Variants in TRIM68 observed in about 807,000 individuals in gnomAD.
TRIM68 encodes E3 ubiquitin-protein ligase TRIM68.
In TRIM68, 36 loss-of-function variants were observed where a neutral mutation model predicts 41.9. That is an observed-to-expected ratio of 0.86 (90% confidence interval 0.66 to 1.14). TRIM68 has a LOEUF of 1.14. Among genes scored for constraint, TRIM68 ranks in the 50% most tolerant of loss-of-function variants. The pLI, the probability that TRIM68 is intolerant of heterozygous loss-of-function variation, is 0.00. For missense variants in TRIM68, 632 were observed against 605.1 expected, an observed-to-expected ratio of 1.04 and a Z score of -0.47; for synonymous variants, 225 against 224.6, an observed-to-expected ratio of 1.00 and a Z score of -0.02.
rs947408324 is a variant in TRIM68 at position 4,599,661 on chromosome 11, G to C, written c.*615C>G. 1 of 152,306 alleles carries C rather than the reference G, an allele frequency of 6.6e-6. No homozygotes were observed. Among genetic ancestry groups the C allele is most frequent in the African/African-American group, 2.4e-5 (1 of 41,454 alleles). The allele number at this position is 152,306 out of a possible 1,614,324, so 9.4% of individuals were successfully genotyped here. A position where few individuals can be genotyped will look rare whatever the true frequency, so the allele number is the denominator to read the frequency against. On this transcript the variant is annotated 3_prime_UTR_variant, in exon 7 of 7. Transcript: ENST00000300747. ...AGTCCAAGGGACAGTGATTTGCCCA[G>C]CTTGTGCTCAGAGAGGGAACGGCAG...
chr11:4,603,562 T>C (rs1846525557), intron 2 of TRIM68, among the ~76,000 whole-genome samples: 1 of 152,242 alleles, frequency 6.6e-6, no homozygotes, highest in Admixed American at 6.5e-5. Context: ...GTCTGTAAAC[T>C]GGAAGAAAAG....
Position 4,601,089 on chromosome 11 carries a change from G to T in TRIM68, c.845C>A (p.Ser282Tyr). 6.2e-7 allele frequency: 1 copy of T among 1,614,176 alleles called. No individual in the cohort carries two copies. The stretch of plus-strand genomic sequence containing the variant: ...ACGGCAATCTGTCTTCAACTCCAGG[G>T]AGATTGGTTCTGGCTGCTGCAAGCT... ...SWSLQQPEPI[S>Y]LELKTDCRVL... Residue 282 changes from serine (S) to tyrosine (Y), a missense_variant, in exon 6 of 7, where the codon TCC (serine) becomes TAC (tyrosine). Transcript: ENST00000300747.
At position 4,600,157 on chromosome 11, in the gene TRIM68, G is replaced by A; in HGVS notation, c.*119C>T. ...GCAAAGACCAAAGGATCAGACAGAG[G>A]AATCCTTGGATACTGGGCTCAGCTC... On this transcript the variant is annotated 3_prime_UTR_variant, in exon 7 of 7. Transcript: ENST00000300747. 1 of 1,027,296 alleles carries A rather than the reference G, an allele frequency of 9.7e-7. No individual in the cohort carries two copies. Among genetic ancestry groups the A allele is most frequent in the South Asian group, 1.9e-5 (1 of 52,588 alleles). The allele number at this position is 1,027,296 out of a possible 1,614,324, so 63.6% of individuals were successfully genotyped here. A position where few individuals can be genotyped will look rare whatever the true frequency, so the allele number is the denominator to read the frequency against.
chr11:4,600,738 C>A lies in TRIM68; in HGVS notation c.996G>T (p.Gln332His). Residue 332 changes from glutamine to histidine, a missense_variant, in exon 7 of 7, where the codon CAG (glutamine) becomes CAT (histidine). Coordinates refer to ENST00000300747, the MANE Select transcript of TRIM68 (RefSeq NM_018073.8). ...RKRVHYGDTN[Q>H]KLPDNPERFY... ...ATCTCTCAGGATTGTCTGGCAGTTT[C>A]TGGTTGGTGTCTCCATAGTGCACAC... is the stretch of plus-strand genomic sequence containing the variant. 5.6e-6 allele frequency: 9 copies of A among 1,614,184 alleles called. No homozygotes were observed. Among genetic ancestry groups the A allele is most frequent in the Non-Finnish European group, 7.6e-6 (9 of 1,180,044 alleles).
chr11:4,605,426 T>C lies in TRIM68; in HGVS notation c.79A>G (p.Met27Val), dbSNP rs1329857570. The C allele has an allele frequency of 1.2e-6, 2 of 1,614,224 alleles. No homozygotes were observed. The highest frequency in any genetic ancestry group is 2.7e-5 in the African/African-American group (2 of 75,056). ...AAGCTGTGGCCACAGTCAATGCTCA[T>C]GGGCTCCCTCAGGAAGGTCATACAG... is the stretch of plus-strand genomic sequence containing the variant. ...PICMTFLREP[M>V]SIDCGHSFCH... The change falls in exon 2 of 7, where the codon ATG becomes GTG. Residue 27 changes from methionine (M) to valine (V), a missense_variant. Met to Val is a conservative substitution (Grantham distance 21). Transcript: ENST00000300747.
Position 4,605,061 on chromosome 11 carries a change from C to T in TRIM68, c.426+18G>A. 1 of 1,610,110 alleles carries T rather than the reference C, an allele frequency of 6.2e-7. No individual in the cohort carries two copies. The highest frequency in any genetic ancestry group is 8.5e-7 in the Non-Finnish European group (1 of 1,177,320). On this transcript the variant is annotated intron_variant, in intron 2 of 6. Coordinates refer to ENST00000300747, the MANE Select transcript of TRIM68 (RefSeq NM_018073.8). The stretch of plus-strand genomic sequence containing the variant: ...TGGGGCCGGGGTTAGACTGGAGTGG[C>T]CAGCTTCCATCTCTCACCTTGTACT...
chr11:4,601,058 C>T lies in TRIM68; in HGVS notation c.876G>A (p.Leu292=). 1 of 1,614,200 alleles carries T rather than the reference C, an allele frequency of 6.2e-7. No homozygotes were observed. Among genetic ancestry groups the T allele is most frequent in the Non-Finnish European group, 8.5e-7 (1 of 1,180,028 alleles). The change falls in exon 6 of 7, where the codon CTG becomes CTA. Residue 292 remains leucine (L), a synonymous_variant. Coordinates refer to ENST00000300747, the MANE Select transcript of TRIM68 (RefSeq NM_018073.8). ...SLELKTDCRV[L]GLREILKTYA... is the part of the protein sequence containing the mutation. ...AAGTCTTCAGGATCTCTCTTAGCCC[C>T]AGCACACGGCAATCTGTCTTCAACT...
rs1314027075 is a variant in TRIM68, at chr11:4,600,095, TA to T, written c.*180del. 1 of 602,634 alleles carries T rather than the reference TA, an allele frequency of 1.7e-6. No individual in the cohort carries two copies. Among genetic ancestry groups the T allele is most frequent in the East Asian group, 2.8e-5 (1 of 35,372 alleles). The allele number at this position is 602,634 out of a possible 1,614,324, so 37.3% of individuals were successfully genotyped here. A position where few individuals can be genotyped will look rare whatever the true frequency, so the allele number is the denominator to read the frequency against. On this transcript the variant is annotated 3_prime_UTR_variant, in exon 7 of 7. Transcript: ENST00000300747. ...CTCATTTGACTGGGCCTCTGCTTTT[TA>T]AAATAAGTGGTTTCATGACAGACTT...
intron 1 of TRIM68, among the ~76,000 whole-genome samples, chr11:4,607,381 A>G (rs1846584946): frequency 6.6e-6 from 1 of 152,220 alleles, no homozygotes; most frequent in Admixed American, 6.5e-5. Context: ...AGTAGATTGA[A>G]AGTGGAGGAT....
Position 4,600,743 on chromosome 11 carries a change from T to A in TRIM68, c.991A>T (p.Asn331Tyr), listed in dbSNP as rs1333791933. The change falls in exon 7 of 7, where the codon AAC (asparagine) becomes TAC (tyrosine). Residue 331 changes from asparagine to tyrosine, a missense_variant. By Grantham distance (143) the Asn-to-Tyr change is moderately radical (BLOSUM62 -2). Transcript: ENST00000300747. Reference protein sequence around the residue: ...DRKRVHYGDTNQKLPDNPERF... With the variant: ...DRKRVHYGDTYQKLPDNPERF... ...TCAGGATTGTCTGGCAGTTTCTGGT[T>A]GGTGTCTCCATAGTGCACACGTTTT... The A allele has an allele frequency of 6.2e-7, 1 of 1,614,200 alleles. No individual in the cohort carries two copies.
At chr11:4,607,199 A>AC (rs1051692411) in intron 1 of TRIM68, among the ~76,000 whole-genome samples, 2 of 152,142 alleles carry the variant, frequency 1.3e-5, no homozygotes, top group African/African-American at 4.8e-5. Context: ...CCTGCCTTTG[A>AC]CGTCATTTGC....
chr11:4,600,217 CCAA>C lies in TRIM68; in HGVS notation c.*56_*58del. ...GGATACCTGTCAGTGGCTCGGTCCT[CCAA>C]GCCCCATGGGGGCCAGGCCCAATTC... is the stretch of plus-strand genomic sequence containing the variant. On this transcript the variant is annotated 3_prime_UTR_variant, in exon 7 of 7. Coordinates refer to ENST00000300747, the MANE Select transcript of TRIM68 (RefSeq NM_018073.8). The C allele has an allele frequency of 6.7e-7, 1 of 1,500,216 alleles. No individual in the cohort carries two copies. Among genetic ancestry groups the C allele is most frequent in the Non-Finnish European group, 8.9e-7 (1 of 1,121,910 alleles). The allele number at this position is 1,500,216 out of a possible 1,614,324, so 92.9% of individuals were successfully genotyped here.
chr11:4,607,225 T>G (rs574059347), intron 1 of TRIM68, among the ~76,000 whole-genome samples: 24 of 152,346 alleles, frequency 1.6e-4, no homozygotes, highest in South Asian at 4.1e-4. Context: ...ATTCGTCTAT[T>G]GTCTTACTTC....
At chr11:4,602,509 A>C in intron 3 of TRIM68, 97 bp from the exon 4 acceptor site, 7 of 1,468,614 alleles carry the variant, frequency 4.8e-6, no homozygotes, top group Non-Finnish European at 5.6e-6. Context: ...AATGGTACCA[A>C]CCACGTGACA....
Position 4,602,409 on chromosome 11 carries a change from G to A in TRIM68, c.526C>T (p.Gln176Ter). 4.3e-6 allele frequency: 7 copies of A among 1,612,796 alleles called. No individual in the cohort carries two copies. The highest frequency in any genetic ancestry group is 5.9e-6 in the Non-Finnish European group (7 of 1,179,478). ...ERKRTATWKI[Q>*]VETRKQSIVW... Reference sequence around the variant, plus strand: ...ATACTCTGTTTTCGGGTTTCCACCTGTATCTGTGGAGCCAAGATGGAAATC... The same window carrying A: ...ATACTCTGTTTTCGGGTTTCCACCTATATCTGTGGAGCCAAGATGGAAATC... Residue 176 changes from glutamine (Q) to a stop codon, truncating the protein, a stop_gained, in exon 4 of 7, where the codon CAG becomes TAG. Transcript: ENST00000300747. LOFTEE classifies it high-confidence loss of function.
intron 1 of TRIM68, among the ~76,000 whole-genome samples, chr11:4,607,014 C>T (rs1227472749): frequency 1.3e-5 from 2 of 152,158 alleles, no homozygotes; most frequent in African/African-American, 4.8e-5. Context: ...AAATCACTAA[C>T]TTACTAAATA....
Position 4,600,214 on chromosome 11 carries a change from C to G in TRIM68, c.*62G>C. ...AGGGGATACCTGTCAGTGGCTCGGT[C>G]CTCCAAGCCCCATGGGGGCCAGGCC... On this transcript the variant is annotated 3_prime_UTR_variant, in exon 7 of 7. Transcript: ENST00000300747. 1 of 1,479,668 alleles carries G rather than the reference C, an allele frequency of 6.8e-7. No homozygotes were observed. Among genetic ancestry groups the G allele is most frequent in the Non-Finnish European group, 9.0e-7 (1 of 1,105,760 alleles). 91.7% of individuals were successfully genotyped at this position (1,479,668 alleles called of 1,614,324 possible). A position where few individuals can be genotyped will look rare whatever the true frequency, so the allele number is the denominator to read the frequency against.
chr11:4,601,621 T>A, intron 5 of TRIM68, 43 bp downstream of exon 5: 1 of 1,611,834 alleles, frequency 6.2e-7, no homozygotes, highest in Non-Finnish European at 8.5e-7. Flanking sequence ...GGCCTCACTA[T>A]CCCCTACAGG....
intron 1 of TRIM68, among the ~76,000 whole-genome samples, chr11:4,607,239 T>C (rs1846582693): frequency 1.3e-5 from 2 of 152,226 alleles, no homozygotes; most frequent in Admixed American, 1.3e-4. Context: ...TTACTTCCCA[T>C]ACTAGAACTT....
Sources: allele counts gnomAD v4.1 joint callset (sites outside exome capture counted in the v4.1 genomes callset), GRCh38; gene constraint gnomAD v4.1.1; transcripts MANE v1.5; gene names NCBI Gene and HGNC (gene_info 2026-07-23, HGNC 2026-07-21).